The following INTS2 variants were observed in gnomAD, a reference collection of about 807,000 sequenced individuals.
INTS2 encodes integrator complex subunit 2.
Under a neutral mutation model 139.6 loss-of-function variants are expected in INTS2, and 57 were observed. That is an observed-to-expected ratio of 0.41 (90% CI 0.33 to 0.51). The LOEUF (loss-of-function observed/expected upper bound fraction) is 0.51, where lower values mean the gene tolerates loss of function less well. Ranked by LOEUF, INTS2 falls within the 20% of genes least tolerant of loss-of-function variation. INTS2 has a pLI of 0.28. For missense variants in INTS2, 1,196 were observed against 1,436.7 expected (o/e 0.83, Z 2.71); for synonymous variants, 473 against 493.4 (o/e 0.96, Z 0.55).
At chr17:61,885,067 T>G (rs2079213843) in intron 15 of INTS2, 62 bp from the exon 16 acceptor site, 1 of 1,122,680 alleles carries the variant, frequency 8.9e-7, no homozygotes, top group Non-Finnish European at 1.3e-6. Flanking sequence ...ATCTTAACCT[T>G]CAACCCAAAT....
chr17:61,927,217 T>C (rs186809663), intron 1 of INTS2: 28 of 167,966 alleles, frequency 1.7e-4, no homozygotes, highest in Admixed American at 1.1e-3. Context: ...GCAGAACCAA[T>C]GCCAGATTCA....
chr17:61,901,759 A>AT (rs1285634518), intron 9 of INTS2, among the ~76,000 whole-genome samples: 1 of 150,780 alleles, frequency 6.6e-6, no homozygotes, highest in African/African-American at 2.4e-5. Context: ...ACCGGCTAAT[A>AT]TTTTTTTGTA....
At chr17:61,891,119 C>A (rs1282725764) in intron 14 of INTS2, among the ~76,000 whole-genome samples, 1 of 151,112 alleles carries the variant, frequency 6.6e-6, no homozygotes, top group African/African-American at 2.4e-5. Flanking sequence ...CATGGTGAAA[C>A]CCTGTCTCTA....
At chr17:61,918,599 A>G (rs555022099) in intron 5 of INTS2, among the ~76,000 whole-genome samples, 14 of 152,316 alleles carry the variant, frequency 9.2e-5, no homozygotes, top group Non-Finnish European at 2.1e-4. Context: ...ATCAGGAATT[A>G]TAACTCCAGT....
chr17:61,880,824 A>AG (rs1216177813), intron 17 of INTS2, among the ~76,000 whole-genome samples, 183 bp downstream of exon 17: 1 of 101,436 alleles, frequency 9.9e-6, no homozygotes, highest in Non-Finnish European at 2.0e-5. Context: ...AAAGGAGGAA[A>AG]GGGGGGAGGG....
At chr17:61,900,136 T>C (rs866820527) in intron 9 of INTS2, among the ~76,000 whole-genome samples, 1 of 152,018 alleles carries the variant, frequency 6.6e-6, no homozygotes, top group Non-Finnish European at 1.5e-5. Context: ...TATAGATAAA[T>C]GGAAACGGAC....
intron 9 of INTS2, among the ~76,000 whole-genome samples, chr17:61,902,825 G>A (rs2079420026): frequency 6.8e-6 from 1 of 146,642 alleles, no homozygotes; most frequent in Non-Finnish European, 1.5e-5. Context: ...AGCTATGATT[G>A]TGCCATAGCA....
chr17:61,911,724 AG>A (rs2079528401), intron 6 of INTS2, 31 bp from the exon 7 acceptor site: 3 of 1,594,180 alleles, frequency 1.9e-6, no homozygotes, highest in Non-Finnish European at 1.7e-6. Context: ...AACTGAATTC[AG>A]TATCATAAGC....
chr17:61,923,486 A>G (rs2079673219), intron 3 of INTS2, among the ~76,000 whole-genome samples: 1 of 150,960 alleles, frequency 6.6e-6, no homozygotes, highest in African/African-American at 2.4e-5. Context: ...CCAAAAAAAA[A>G]AAAAAAAAAA....
In INTS2 at chr17:61,924,698, G is replaced by A. The variant is rs142042220; in HGVS notation, c.432+263C>T. Among the ~76,000 whole-genome samples, 650 of 152,030 alleles carry A rather than the reference G, an allele frequency of 4.3e-3. 5 individuals carry two copies. Among genetic ancestry groups the A allele is most frequent in the African/African-American group, 0.013 (528 of 41,472 alleles). On this transcript the variant is annotated intron_variant, in intron 3 of 24. Coordinates refer to ENST00000251334, the MANE Select transcript of INTS2 (RefSeq NM_001351695.2). Reference sequence around the variant, plus strand: ...CAAAAAATTAGCTGGGCGTGGTGGCGGGCACCTGTAATCCCAGCTACTCAT... The same window carrying A: ...CAAAAAATTAGCTGGGCGTGGTGGCAGGCACCTGTAATCCCAGCTACTCAT...
intron 16 of INTS2, among the ~76,000 whole-genome samples, chr17:61,884,204 GGGGA>G (rs1377766077): frequency 6.6e-6 from 1 of 151,884 alleles, no homozygotes; most frequent in East Asian, 1.9e-4. Flanking sequence ...AGATGAGGCA[GGGGA>G]GGCCGGGCAT....
intron 8 of INTS2, among the ~76,000 whole-genome samples, chr17:61,906,348 T>G (rs942098735): frequency 2.0e-5 from 3 of 152,164 alleles, no homozygotes; most frequent in Non-Finnish European, 4.4e-5. Flanking sequence ...TAAGGGATAT[T>G]CAACCTTTAC....
chr17:61,873,487 A>C lies in INTS2; in HGVS notation c.2583-1027T>G, dbSNP rs2079104956. ...AACAGAATTTAACAACTTCCTTAAA[A>C]ACTGAATCACCTAAGGTGATTCAGG... On this transcript the variant is annotated intron_variant, in intron 19 of 24. Transcript: ENST00000251334. The surrounding 1 kb of genome is among the most constrained non-coding windows in gnomAD (Gnocchi z 4.0). 6.6e-6 allele frequency among the ~76,000 whole-genome samples: 1 copy of C among 152,218 alleles called. No homozygotes were observed. The highest frequency in any genetic ancestry group is 2.4e-5 in the African/African-American group (1 of 41,450).
rs533306083 is a variant in INTS2, at chr17:61,884,568, T to C, written c.2089+333A>G. Among the ~76,000 whole-genome samples, 82 of 152,204 alleles carry C rather than the reference T, an allele frequency of 5.4e-4. 1 individual carries two copies. Among genetic ancestry groups the C allele is most frequent in the Non-Finnish European group, 4.4e-4 (30 of 68,008 alleles). On this transcript the variant is annotated intron_variant, in intron 16 of 24. Coordinates refer to ENST00000251334, the MANE Select transcript of INTS2 (RefSeq NM_001351695.2). ...AGAGTTAAAAAAATTTTTTTTTTTT[T>C]ACCTCTGTTAAGTGTCTGTTAGGTT...
Position 61,872,233 on chromosome 17 carries a change from T to A in INTS2, c.2778+32A>T, listed in dbSNP as rs1432473641. The A allele has an allele frequency of 1.3e-6, 2 of 1,557,060 alleles. No homozygotes were observed. Among genetic ancestry groups the A allele is most frequent in the Non-Finnish European group, 1.8e-6 (2 of 1,134,838 alleles). ...ATACTAGTAGAGAAGCCCTTGCTCT[T>A]TTTGACTAAATTTTACTTTAGCAAA... is the stretch of plus-strand genomic sequence containing the variant. On this transcript the variant is annotated intron_variant, in intron 20 of 24. Coordinates refer to ENST00000251334, the MANE Select transcript of INTS2 (RefSeq NM_001351695.2). This position sits in a 1 kb window ranked among gnomAD's most constrained non-coding sequence, Gnocchi z 4.8.
chr17:61,914,101 TA>T (rs920859874), intron 5 of INTS2, among the ~76,000 whole-genome samples: 82 of 150,926 alleles, frequency 5.4e-4, no homozygotes, highest in African/African-American at 1.8e-3. Context: ...GCCACTAGAT[TA>T]AAAAAAATGA....
intron 8 of INTS2, among the ~76,000 whole-genome samples, chr17:61,907,100 C>A (rs1212523929): frequency 3.3e-5 from 5 of 151,802 alleles, no homozygotes; most frequent in African/African-American, 1.2e-4. Context: ...ACTCACAGAT[C>A]ATTCACTATA....
intron 9 of INTS2, among the ~76,000 whole-genome samples, chr17:61,901,708 T>C (rs1401491903): frequency 1.4e-5 from 2 of 145,002 alleles, no homozygotes; most frequent in Non-Finnish European, 3.0e-5. Flanking sequence ...CACGCCATTC[T>C]CCTGCCTCAG....
At chr17:61,900,801 T>C (rs2079397201) in intron 9 of INTS2, among the ~76,000 whole-genome samples, 1 of 150,542 alleles carries the variant, frequency 6.6e-6, no homozygotes, top group Non-Finnish European at 1.5e-5. Flanking sequence ...CCACTAAAAA[T>C]ACAAAACTTA....
Sources: gnomAD v4.1 joint callset for allele counts (sites outside exome capture counted in the v4.1 genomes callset) on GRCh38, gnomAD v4.1.1 for gene constraint, Gnocchi (gnomAD v3.1) non-coding constraint, MANE v1.5 for transcripts, NCBI Gene and HGNC (gene_info 2026-07-23, HGNC 2026-07-21) for gene names.